NBAS: variants seen among roughly 807,000 people sequenced by gnomAD.
NBAS encodes NBAS subunit of NRZ tethering complex, also known as NAG/BC035112 fusion.
NBAS carries 219 observed loss-of-function variants against 302.5 expected under a neutral mutation model. The ratio of observed to expected loss-of-function variants is 0.72; its 90% CI spans 0.65 to 0.81. NBAS has a LOEUF of 0.81. NBAS is among the 30% of genes least tolerant of loss of function. The pLI, the probability that NBAS is intolerant of heterozygous loss-of-function variation, is 0.00. For missense variants in NBAS, 2,932 were observed against 2,841.6 expected, an observed-to-expected ratio of 1.03 and a Z score of -0.72; for synonymous variants, 1,118 against 1,021.6, an observed-to-expected ratio of 1.09 and a Z score of -1.80.
the NBAS span, among the ~76,000 whole-genome samples, chr2:14,826,939 G>C: frequency 4.8e-4 from 73 of 152,290 alleles, 1 homozygote; most frequent in African/African-American, 1.4e-3. Context: ...GGAATATCCA[G>C]AGAATCCCCT....
Position 15,292,765 on chromosome 2 carries a change from G to C in NBAS, c.4799C>G (p.Ala1600Gly). The C allele has an allele frequency of 6.2e-7, 1 of 1,613,952 alleles. No homozygotes were observed. Among genetic ancestry groups the C allele is most frequent in the South Asian group, 1.1e-5 (1 of 91,080 alleles). The change falls in exon 41 of 52, where the codon GCT becomes GGT. Residue 1600 changes from alanine to glycine, a missense_variant and splice_region_variant. By Grantham distance (60) the Ala-to-Gly change is moderately conservative. Transcript: ENST00000281513. ...CATCTTGATTAGTTCTTTGGGATCAGCCTATGAAAGACATGGAAAAGAAGA... is the reference window on the plus strand; with the variant it reads ...CATCTTGATTAGTTCTTTGGGATCACCCTATGAAAGACATGGAAAAGAAGA... ...FRDKCHPLYR[A>G]DPKELIKMVT... is the part of the protein sequence containing the mutation.
At chr2:14,965,379 C>T in the NBAS span, among the ~76,000 whole-genome samples, 8 of 151,806 alleles carry the variant, frequency 5.3e-5, no homozygotes, top group Admixed American at 2.0e-4. Flanking sequence ...AAGGATAATT[C>T]GAAAAGGTTA....
At chr2:14,802,932 T>G in the NBAS span, among the ~76,000 whole-genome samples, 1 of 145,198 alleles carries the variant, frequency 6.9e-6, no homozygotes, top group African/African-American at 2.6e-5. Flanking sequence ...GAGATATACC[T>G]AATGCTAGAT....
intron 41 of NBAS, among the ~76,000 whole-genome samples, chr2:15,291,511 A>C (rs1263970621): frequency 6.6e-6 from 1 of 152,188 alleles, no homozygotes; most frequent in East Asian, 1.9e-4. Flanking sequence ...AATACTTCTC[A>C]TTTGACCTGA....
intron 51 of NBAS, among the ~76,000 whole-genome samples, chr2:15,167,972 TCTAGGAAG>T (rs1321944083): frequency 6.6e-6 from 1 of 152,238 alleles, no homozygotes; most frequent in Admixed American, 6.5e-5. Flanking sequence ...TGCTTCAGCC[TCTAGGAAG>T]CTCAGTACCA....
the NBAS span, among the ~76,000 whole-genome samples, chr2:15,150,452 A>T: frequency 6.6e-6 from 1 of 152,224 alleles, no homozygotes; most frequent in African/African-American, 2.4e-5. Flanking sequence ...ATTACCTATG[A>T]TAGCCTATTT....
chr2:15,011,274 A>G, the NBAS span, among the ~76,000 whole-genome samples: 1 of 152,174 alleles, frequency 6.6e-6, no homozygotes, highest in African/African-American at 2.4e-5. Flanking sequence ...TTTGAACTCC[A>G]AGAGAGAGTG....
At chr2:15,056,979 C>T in the NBAS span, among the ~76,000 whole-genome samples, 1 of 151,978 alleles carries the variant, frequency 6.6e-6, no homozygotes, top group South Asian at 2.1e-4. Context: ...CAGGCACTTG[C>T]CACCACGCCC....
chr2:15,103,209 G>T, the NBAS span, among the ~76,000 whole-genome samples: 2 of 151,940 alleles, frequency 1.3e-5, no homozygotes, highest in Admixed American at 1.3e-4. Context: ...TTGTCCCTGG[G>T]TCTAGAATGT....
In NBAS at chr2:15,468,470, C is replaced by T; in HGVS notation, c.1789G>A (p.Asp597Asn). 6.2e-7 allele frequency: 1 copy of T among 1,614,032 alleles called. No homozygotes were observed. The highest frequency in any genetic ancestry group is 8.5e-7 in the Non-Finnish European group (1 of 1,179,942). The part of the protein sequence containing the change: ...ECLERVPENV[D>N]AAKELLQYGL... Reference sequence around the variant, plus strand: ...TACTGAAGCAGTTCTTTTGCAGCATCCACATTTTCAGGAACTCTTTCCAAA... The same window carrying T: ...TACTGAAGCAGTTCTTTTGCAGCATTCACATTTTCAGGAACTCTTTCCAAA... Residue 597 changes from aspartate to asparagine, a missense_variant, in exon 17 of 52, where the codon GAT (aspartate) becomes AAT (asparagine). Physicochemically the swap from Asp to Asn is conservative, Grantham distance 23. Coordinates refer to ENST00000281513, the MANE Select transcript of NBAS (RefSeq NM_015909.4).
intron 3 of NBAS, among the ~76,000 whole-genome samples, chr2:15,554,686 G>C (rs1167635223): frequency 6.7e-6 from 1 of 150,212 alleles, no homozygotes; most frequent in East Asian, 1.9e-4. Flanking sequence ...GCAAAGGCCA[G>C]GATGCTCAAA....
intron 37 of NBAS, 144 bp downstream of exon 37, chr2:15,328,055 T>A: frequency 8.7e-7 from 1 of 1,144,392 alleles, no homozygotes; most frequent in Non-Finnish European, 1.3e-6. Flanking sequence ...TCATAATATA[T>A]ACCAAAAAAA....
the NBAS span, among the ~76,000 whole-genome samples, chr2:14,834,105 G>T: frequency 1.3e-5 from 2 of 152,072 alleles, no homozygotes; most frequent in Admixed American, 6.6e-5. Flanking sequence ...AAATATTTAT[G>T]ATTTTGCAGC....
At chr2:15,411,306 T>C (rs537872084) in intron 25 of NBAS, among the ~76,000 whole-genome samples, 1 of 152,210 alleles carries the variant, frequency 6.6e-6, no homozygotes, top group African/African-American at 2.4e-5. Flanking sequence ...ACAATCCCCA[T>C]CCCAAGTAGC....
the NBAS span, among the ~76,000 whole-genome samples, chr2:15,122,158 T>C: frequency 2.6e-5 from 4 of 151,742 alleles, no homozygotes; most frequent in African/African-American, 4.8e-5. Flanking sequence ...CTTTTTTGCA[T>C]TGTTTTAAAG....
the NBAS span, among the ~76,000 whole-genome samples, chr2:14,941,126 G>A: frequency 6.6e-6 from 1 of 152,178 alleles, no homozygotes; most frequent in Non-Finnish European, 1.5e-5. Context: ...TGTAGTAAGT[G>A]TCTGACAAAA....
At chr2:15,408,415 T>C (rs1233897808) in intron 25 of NBAS, among the ~76,000 whole-genome samples, 2 of 152,192 alleles carry the variant, frequency 1.3e-5, no homozygotes, top group African/African-American at 4.8e-5. Context: ...CACTGAATGC[T>C]TTATATTTTT....
the NBAS span, among the ~76,000 whole-genome samples, chr2:15,022,480 T>C: frequency 6.6e-6 from 1 of 152,170 alleles, no homozygotes; most frequent in African/African-American, 2.4e-5. Context: ...ACTTAACCTT[T>C]TCAACTAGAT....
the NBAS span, among the ~76,000 whole-genome samples, chr2:15,022,741 G>A: frequency 3.3e-5 from 5 of 151,938 alleles, no homozygotes; most frequent in Non-Finnish European, 7.4e-5. Context: ...TGGATTATTG[G>A]ATGGCCTTGT....
Sources: gnomAD v4.1 joint callset for allele counts (sites outside exome capture counted in the v4.1 genomes callset) on GRCh38, gnomAD v4.1.1 for gene constraint, MANE v1.5 for transcripts, NCBI Gene and HGNC (gene_info 2026-07-23, HGNC 2026-07-21) for gene names.